Variants in DLG2 observed in about 807,000 individuals in gnomAD.
DLG2 encodes the protein disks large homolog 2.
DLG2 carries 45 observed loss-of-function variants against 132.5 expected under a neutral mutation model. That is an observed-to-expected ratio of 0.34 (90% CI 0.27 to 0.44). The LOEUF is 0.44. DLG2 is among the 20% of genes least tolerant of loss of function. The pLI is 1.00. For missense variants in DLG2, 1,045 were observed against 1,196.9 expected (o/e 0.87, Z 1.87); for synonymous variants, 424 against 419.6 (o/e 1.01, Z -0.13).
intron 16 of DLG2, among the ~76,000 whole-genome samples, chr11:83,845,962 C>T (rs896213986): frequency 2.0e-5 from 3 of 152,186 alleles, no homozygotes; most frequent in Non-Finnish European, 4.4e-5. Context: ...AACTCATTTC[C>T]TTTCCCTCTA....
chr11:85,039,807 T>G (rs2061698655), intron 6 of DLG2, among the ~76,000 whole-genome samples: 1 of 151,990 alleles, frequency 6.6e-6, no homozygotes, highest in Non-Finnish European at 1.5e-5. Context: ...TTATTTGACT[T>G]TGTATCTTTA....
At chr11:84,953,272 C>T (rs1035151929) in intron 6 of DLG2, among the ~76,000 whole-genome samples, 3 of 152,160 alleles carry the variant, frequency 2.0e-5, no homozygotes, top group African/African-American at 7.2e-5. Context: ...TTCATTCCAA[C>T]ATTATTTCTC....
chr11:83,580,244 T>G (rs1343632901), intron 19 of DLG2, among the ~76,000 whole-genome samples: 2 of 152,276 alleles, frequency 1.3e-5, no homozygotes, highest in East Asian at 3.9e-4. Flanking sequence ...TTCCCATTTT[T>G]CCTCTACTTT....
chr11:83,485,109 T>A (rs539016804), intron 21 of DLG2, among the ~76,000 whole-genome samples: 31 of 139,776 alleles, frequency 2.2e-4, no homozygotes, highest in Admixed American at 2.0e-3. Flanking sequence ...CACTCTAGAT[T>A]CTGATCAGGT....
chr11:84,271,946 T>C (rs1464494659), intron 7 of DLG2, among the ~76,000 whole-genome samples: 1 of 16,036 alleles, frequency 6.2e-5, no homozygotes, highest in Non-Finnish European at 1.2e-4. Flanking sequence ...ACTTTGATAA[T>C]AACAAAAAAA....
rs529478053 is a variant in DLG2, at chr11:84,550,658, T to A, written c.358-15927A>T. On this transcript the variant is annotated intron_variant, in intron 6 of 27. Transcript: ENST00000376104. ...GATCTCCAGCAGACTTTGTTCCTGG[T>A]CCTGGGACTTCCTGGGTGGTCGATT... Among the ~76,000 whole-genome samples the A allele has an allele frequency of 5.1e-4, 78 of 152,312 alleles. No homozygotes were observed. The Middle Eastern group carries it at 0.01, about 20-fold the overall frequency.
chr11:83,840,072 G>A (rs541464856), intron 16 of DLG2, among the ~76,000 whole-genome samples: 1 of 152,310 alleles, frequency 6.6e-6, no homozygotes, highest in South Asian at 2.1e-4. Context: ...GCTTCCCTGA[G>A]TTTGACATGT....
At chr11:85,181,097 AT>A (rs1159365694) in intron 4 of DLG2, among the ~76,000 whole-genome samples, 1 of 151,728 alleles carries the variant, frequency 6.6e-6, no homozygotes, top group Non-Finnish European at 1.5e-5. Flanking sequence ...AATAATTTTT[AT>A]TCACCTAGCA....
At chr11:85,400,568 G>A (rs1201429056) in intron 3 of DLG2, among the ~76,000 whole-genome samples, 10 of 148,046 alleles carry the variant, frequency 6.8e-5, no homozygotes, top group Non-Finnish European at 1.3e-4. Flanking sequence ...TTAAGAAAAT[G>A]TGGCACATAT....
rs17145690 is a variant in DLG2 at position 83,599,549 on chromosome 11, C to G, written c.1940+33662G>C. Among the ~76,000 whole-genome samples the G allele has an allele frequency of 6.6e-4, 100 of 152,280 alleles. 1 individual carries two copies. The highest frequency in any genetic ancestry group is 2.4e-3 in the African/African-American group (98 of 41,554). The stretch of plus-strand genomic sequence containing the variant: ...CATCTTGCCCTTCCTTTGTCAATTC[C>G]CTGACTAGGAGTGACCACTTACCCC... On this transcript the variant is annotated intron_variant, in intron 19 of 27. Transcript: ENST00000376104.
Position 84,689,289 on chromosome 11 carries a change from G to A in DLG2, c.358-154558C>T, listed in dbSNP as rs146449521. 2.6e-3 allele frequency among the ~76,000 whole-genome samples: 387 copies of A among 151,662 alleles called. 1 individual carries two copies. The highest frequency in any genetic ancestry group is 8.9e-3 in the African/African-American group (367 of 41,328). ...TTTTTTTAACCATTCTACTTAAGTG[G>A]GACCAACATTCAGAATGGAATGTAA... On this transcript the variant is annotated intron_variant, in intron 6 of 27. Transcript: ENST00000376104.
intron 6 of DLG2, among the ~76,000 whole-genome samples, chr11:84,915,228 G>A (rs1335224734): frequency 6.6e-6 from 1 of 152,062 alleles, no homozygotes; most frequent in Non-Finnish European, 1.5e-5. Context: ...GGTTAATGAA[G>A]GAATCTTTTA....
intron 14 of DLG2, among the ~76,000 whole-genome samples, chr11:83,953,081 T>C (rs2154148914): frequency 6.6e-6 from 1 of 152,292 alleles, no homozygotes; most frequent in Admixed American, 6.5e-5. Flanking sequence ...TACAATTACC[T>C]AGAAGTAAAA....
At position 84,923,194 on chromosome 11, in the gene DLG2, C is replaced by G. The variant is rs1893052; in HGVS notation, c.357+188467G>C. On this transcript the variant is annotated intron_variant, in intron 6 of 27. Coordinates refer to ENST00000376104, the MANE Select transcript of DLG2 (RefSeq NM_001142699.3). ...CAAGCCCCACACACACGATCCTGGG[C>G]ATGTGCTACTAAAGAGCATCCGTTC... 520 of 1,607,456 alleles carry G rather than the reference C, an allele frequency of 3.2e-4. 1 individual carries two copies. The African/African-American group carries it at 6.0e-3, about 19-fold the overall frequency.
intron 4 of DLG2, among the ~76,000 whole-genome samples, chr11:85,202,213 A>C (rs1001464959): frequency 2.0e-5 from 3 of 151,982 alleles, no homozygotes; most frequent in Non-Finnish European, 2.9e-5. Flanking sequence ...GAAAGGTGAA[A>C]GGTGAACAAG....
intron 6 of DLG2, among the ~76,000 whole-genome samples, chr11:84,739,132 C>T (rs562626065): frequency 6.1e-4 from 93 of 152,154 alleles, no homozygotes; most frequent in African/African-American, 2.2e-3. Flanking sequence ...CTCAGATGTA[C>T]ATGTCTATCA....
At chr11:84,971,818 G>A (rs1007495153) in intron 6 of DLG2, among the ~76,000 whole-genome samples, 2 of 151,928 alleles carry the variant, frequency 1.3e-5, no homozygotes, top group Non-Finnish European at 2.9e-5. Context: ...AATAAATTAA[G>A]GAAGTCAAAA....
intron 4 of DLG2, among the ~76,000 whole-genome samples, chr11:85,162,433 G>A (rs545340201): frequency 6.7e-4 from 102 of 152,334 alleles, no homozygotes; most frequent in African/African-American, 2.3e-3. Flanking sequence ...GGTGCTTGCT[G>A]AAGGCAAAGG....
intron 7 of DLG2, among the ~76,000 whole-genome samples, chr11:84,507,626 T>C (rs1013122290): frequency 2.0e-5 from 3 of 152,206 alleles, no homozygotes; most frequent in African/African-American, 7.2e-5. Flanking sequence ...ATGAACCTTA[T>C]TATTTTGAGT....
Sources: gnomAD v4.1 joint callset for allele counts (sites outside exome capture counted in the v4.1 genomes callset) on GRCh38, gnomAD v4.1.1 for gene constraint, MANE v1.5 for transcripts, NCBI Gene and HGNC (gene_info 2026-07-23, HGNC 2026-07-21) for gene names.